Variants in LTBP1 observed in about 807,000 individuals in gnomAD.
LTBP1 encodes the protein latent-transforming growth factor beta-binding protein 1.
A neutral mutation model predicts 207.6 loss-of-function variants in LTBP1; 129 were observed. That is an observed-to-expected ratio of 0.62 (90% CI 0.54 to 0.72). The LOEUF is 0.72. Among genes scored for constraint, LTBP1 ranks in the 30% least tolerant of loss-of-function variants. The pLI, the probability that LTBP1 is intolerant of heterozygous loss-of-function variation, is 0.00. For synonymous variants in LTBP1, 963 were observed against 833.7 expected, an observed-to-expected ratio of 1.16 and a Z score of -2.67; for missense variants, 2,281 against 2,217.2, an observed-to-expected ratio of 1.03 and a Z score of -0.58.
At chr2:33,375,922 C>G (rs1357137019) in intron 31 of LTBP1, among the ~76,000 whole-genome samples, 1 of 151,730 alleles carries the variant, frequency 6.6e-6, no homozygotes, top group African/African-American at 2.4e-5. Flanking sequence ...TTGATTTCAA[C>G]TTTCACATTT....
At chr2:33,072,318 A>G (rs1475366958) in intron 3 of LTBP1, among the ~76,000 whole-genome samples, 3 of 152,186 alleles carry the variant, frequency 2.0e-5, no homozygotes, top group Non-Finnish European at 4.4e-5. Context: ...AGCTATCTGA[A>G]GCTCTCTGAA....
chr2:33,384,943 C>T lies in LTBP1; in HGVS notation c.4712-4241C>T, dbSNP rs898052475. Among the ~76,000 whole-genome samples, 4 of 152,134 alleles carry T rather than the reference C, an allele frequency of 2.6e-5. No homozygotes were observed. The East Asian group carries it at 7.7e-4, about 29-fold the overall frequency. On this transcript the variant is annotated intron_variant, in intron 31 of 33. Transcript: ENST00000404816. ...CTAAAGAGGATGACTTGCCCAAGTC[C>T]TGATATTTCCATTGCTTTCCTGAAA...
Position 33,389,145 on chromosome 2 carries a change from A to G in LTBP1, c.4712-39A>G, listed in dbSNP as rs765146799. On this transcript the variant is annotated intron_variant, in intron 31 of 33. Transcript: ENST00000404816. ...CGAGGGGGTGGGGCAGGTGCGAGCT[A>G]ACAGTGGTGGGGCCTCATGCTGCTT... The G allele has an allele frequency of 3.0e-5, 48 of 1,613,242 alleles. 1 individual carries two copies. In the South Asian group the frequency reaches 4.1e-4, roughly 14 times the overall value.
intron 8 of LTBP1, among the ~76,000 whole-genome samples, chr2:33,219,918 C>T (rs1342576792): frequency 2.6e-5 from 4 of 151,840 alleles, no homozygotes; most frequent in African/African-American, 7.3e-5. Flanking sequence ...TCTAGAATTG[C>T]GTCATTTTTA....
chr2:33,389,423 C>G (rs928533150), intron 32 of LTBP1, 117 bp downstream of exon 32: 4 of 1,394,804 alleles, frequency 2.9e-6, no homozygotes, highest in Non-Finnish European at 4.0e-6. Flanking sequence ...CACCCCAGAC[C>G]TGCTGGTCAG....
At chr2:33,044,993 C>A (rs2076378935) in intron 3 of LTBP1, among the ~76,000 whole-genome samples, 1 of 151,426 alleles carries the variant, frequency 6.6e-6, no homozygotes, top group East Asian at 1.9e-4. Context: ...TGTTTAAGTT[C>A]TTTGTAAATT....
chr2:33,216,013 C>G (rs117839174), intron 7 of LTBP1, among the ~76,000 whole-genome samples: 2,246 of 152,184 alleles, frequency 0.015, 23 homozygotes, highest in East Asian at 0.027. Context: ...ATGCCTGGCC[C>G]CTCCATTGGT....
At chr2:33,092,693 T>A (rs2079168592) in intron 3 of LTBP1, among the ~76,000 whole-genome samples, 1 of 152,200 alleles carries the variant, frequency 6.6e-6, no homozygotes, top group South Asian at 2.1e-4. Flanking sequence ...AGTTTTAGTT[T>A]AAATGGAAGG....
rs774453314 is a variant in LTBP1, at chr2:33,257,470, CCTT to C, written c.2357_2359del (p.Phe786del). On this transcript the variant is annotated inframe_deletion, in exon 12 of 34. Transcript: ENST00000404816. ...AAGGAAGAGCCAGTGGAGGCCCTGA[CCTT>C]CTCCCGGGAACACGGGCCAGGAGTG... 5.1e-5 allele frequency: 83 copies of C among 1,614,100 alleles called. No homozygotes were observed. Among genetic ancestry groups the C allele is most frequent in the Non-Finnish European group, 6.9e-5 (81 of 1,180,018 alleles).
chr2:32,965,598 C>G (rs973480925), intron 2 of LTBP1, among the ~76,000 whole-genome samples: 6 of 152,176 alleles, frequency 3.9e-5, no homozygotes, highest in Non-Finnish European at 7.4e-5. Flanking sequence ...TTCAGATTGG[C>G]TTCTTTCACT....
At chr2:33,265,704 G>A (rs1169747474) in intron 15 of LTBP1, among the ~76,000 whole-genome samples, 1 of 151,784 alleles carries the variant, frequency 6.6e-6, no homozygotes. Flanking sequence ...TTTTTTTTTA[G>A]TGGCATCTGA....
At chr2:33,208,863 C>G (rs1286541338) in intron 7 of LTBP1, among the ~76,000 whole-genome samples, 1 of 98,666 alleles carries the variant, frequency 1.0e-5, no homozygotes, top group Non-Finnish European at 2.2e-5. Context: ...AGTCTTGCTA[C>G]TATTTTTTTT....
chr2:33,105,839 CA>C (rs1445106108), intron 3 of LTBP1, among the ~76,000 whole-genome samples: 5 of 152,078 alleles, frequency 3.3e-5, no homozygotes, highest in Non-Finnish European at 5.9e-5. Context: ...AATAAGACAA[CA>C]ATGAAGTTTG....
chr2:33,117,171 T>A lies in LTBP1; in HGVS notation c.1033+6420T>A, dbSNP rs548326552. Among the ~76,000 whole-genome samples the A allele has an allele frequency of 5.9e-5, 9 of 152,318 alleles. No homozygotes were observed. The South Asian group carries it at 1.9e-3, about 32-fold the overall frequency. Reference sequence around the variant, plus strand: ...ATAGTAGCAGCTTTGTGGCCTGAACTCCTGAATCCCAGTTCTGGCCTGATC... The same window carrying A: ...ATAGTAGCAGCTTTGTGGCCTGAACACCTGAATCCCAGTTCTGGCCTGATC... On this transcript the variant is annotated intron_variant, in intron 4 of 33. Transcript: ENST00000404816.
intron 2 of LTBP1, among the ~76,000 whole-genome samples, chr2:32,954,133 CT>C (rs1677653279): frequency 6.6e-6 from 1 of 152,206 alleles, no homozygotes; most frequent in Non-Finnish European, 1.5e-5. Context: ...GCTCTTCCTA[CT>C]GCCCTGGGCT....
intron 3 of LTBP1, among the ~76,000 whole-genome samples, chr2:33,055,738 A>C (rs1367603945): frequency 1.3e-5 from 2 of 152,204 alleles, no homozygotes; most frequent in African/African-American, 4.8e-5. Context: ...AAACTTCCCC[A>C]GGTCTGCCTT....
chr2:33,060,961 A>G (rs921079353), intron 3 of LTBP1, among the ~76,000 whole-genome samples: 8 of 152,148 alleles, frequency 5.3e-5, no homozygotes, highest in African/African-American at 2.4e-5. Flanking sequence ...AATTGTAACC[A>G]TGTATTTGCT....
intron 3 of LTBP1, among the ~76,000 whole-genome samples, chr2:33,059,355 T>G (rs927206575): frequency 6.6e-6 from 1 of 152,180 alleles, no homozygotes; most frequent in Non-Finnish European, 1.5e-5. Context: ...AAAGAAGAGA[T>G]ATTTCAGCCT....
intron 7 of LTBP1, among the ~76,000 whole-genome samples, chr2:33,196,617 T>G (rs2088603426): frequency 6.6e-6 from 1 of 152,164 alleles, no homozygotes; most frequent in South Asian, 2.1e-4. Flanking sequence ...ACAAGGATGA[T>G]GAAGAAATGA....
Sources: allele counts gnomAD v4.1 joint callset (sites outside exome capture counted in the v4.1 genomes callset), GRCh38; gene constraint gnomAD v4.1.1; transcripts MANE v1.5; gene names NCBI Gene and HGNC (gene_info 2026-07-23, HGNC 2026-07-21).